The following KLHL29 variants were observed in gnomAD, a reference collection of about 807,000 sequenced individuals.
KLHL29 encodes kelch like family member 29.
Under a neutral mutation model 80.4 loss-of-function variants are expected in KLHL29, and 21 were observed. The observed-to-expected ratio is 0.26, with a 90% CI of 0.19 to 0.38. The LOEUF is 0.38. KLHL29 is among the 10% of genes least tolerant of loss of function. The pLI is 1.00. For synonymous variants in KLHL29, 511 were observed against 526.8 expected (o/e 0.97, Z 0.41); for missense variants, 867 against 1,223.9 (o/e 0.71, Z 4.35).
chr2:23,539,838 A>C (rs1666782272), intron 2 of KLHL29, among the ~76,000 whole-genome samples: 1 of 152,146 alleles, frequency 6.6e-6, no homozygotes, highest in Middle Eastern at 3.4e-3. Flanking sequence ...GCTTAGGTAT[A>C]CTTTTCTCTT....
At position 23,680,330 on chromosome 2, in the gene KLHL29, G is replaced by A. The variant is rs1003732007; in HGVS notation, c.941-4069G>A. The stretch of plus-strand genomic sequence containing the variant: ...TCCACGGGAAGAGGAGCTCCATGCT[G>A]GGCGCTGAGTCGAGCATCCTGGGCA... On this transcript the variant is annotated intron_variant, in intron 5 of 13. Transcript: ENST00000486442. The surrounding 1 kb of genome is among the most constrained non-coding windows in gnomAD (Gnocchi z 4.1). Among the ~76,000 whole-genome samples the A allele has an allele frequency of 2.0e-5, 3 of 152,118 alleles. No individual in the cohort carries two copies. The highest frequency in any genetic ancestry group is 7.2e-5 in the African/African-American group (3 of 41,416).
intron 2 of KLHL29, among the ~76,000 whole-genome samples, chr2:23,545,909 C>A (rs920902307): frequency 6.6e-6 from 1 of 152,226 alleles, no homozygotes; most frequent in Non-Finnish European, 1.5e-5. Context: ...CAAGGCCAGT[C>A]CTCTGCAGAC....
chr2:23,527,641 G>T (rs1352589793), intron 2 of KLHL29, among the ~76,000 whole-genome samples: 1 of 152,220 alleles, frequency 6.6e-6, no homozygotes, highest in Non-Finnish European at 1.5e-5. Context: ...AAAGCAGTAG[G>T]ATTGGTTCAG....
chr2:23,521,191 A>G (rs1422401601), intron 2 of KLHL29, among the ~76,000 whole-genome samples: 1 of 152,014 alleles, frequency 6.6e-6, no homozygotes, highest in Non-Finnish European at 1.5e-5. Context: ...GACTGCTTCG[A>G]GGGGCTTCCC....
intron 2 of KLHL29, among the ~76,000 whole-genome samples, chr2:23,492,451 G>A (rs1665130693): frequency 6.6e-6 from 1 of 152,164 alleles, no homozygotes. Context: ...GCAGTCACGT[G>A]GCCCACCCTC....
At chr2:23,483,103 T>A (rs1664844991) in intron 2 of KLHL29, among the ~76,000 whole-genome samples, 1 of 152,220 alleles carries the variant, frequency 6.6e-6, no homozygotes, top group Admixed American at 6.5e-5. Context: ...TTAGTGAGCA[T>A]CTACTATAAT....
At chr2:23,470,685 C>CCTA (rs1664472826) in intron 1 of KLHL29, among the ~76,000 whole-genome samples, 1 of 152,184 alleles carries the variant, frequency 6.6e-6, no homozygotes, top group Admixed American at 6.5e-5. Context: ...GAGCTGCATC[C>CCTA]CTACCAGCTG....
intron 2 of KLHL29, among the ~76,000 whole-genome samples, chr2:23,498,080 C>G (rs1057188281): frequency 1.3e-5 from 2 of 152,144 alleles, no homozygotes; most frequent in African/African-American, 4.8e-5. Flanking sequence ...CCTAGTTACC[C>G]TTTTCTGTGT....
intron 2 of KLHL29, among the ~76,000 whole-genome samples, chr2:23,483,530 G>A (rs1664853168): frequency 6.6e-6 from 1 of 152,190 alleles, no homozygotes; most frequent in Non-Finnish European, 1.5e-5. Context: ...TGGACTCCCT[G>A]ACCCCAAAAC....
chr2:23,530,298 G>A (rs967304052), intron 2 of KLHL29, among the ~76,000 whole-genome samples: 3 of 152,140 alleles, frequency 2.0e-5, no homozygotes, highest in East Asian at 1.9e-4. Context: ...GCCCTCCCAC[G>A]GCTTGTCCTC....
At chr2:23,436,280 TTGTGTGTGTGTGTGTGTGTGTGTGTG>T (rs57931176) in intron 1 of KLHL29, among the ~76,000 whole-genome samples, 2 of 136,946 alleles carry the variant, frequency 1.5e-5, no homozygotes, top group Non-Finnish European at 3.1e-5. Flanking sequence ...CCAATCAGCT[TTGTGTGTGTGTGTGTGTGTGTGTGTG>T]TGTGTGTGTG....
intron 3 of KLHL29, among the ~76,000 whole-genome samples, chr2:23,565,186 T>C (rs1667559848): frequency 6.6e-6 from 1 of 152,202 alleles, no homozygotes. Context: ...GTGAGGCCTA[T>C]GGGACAAGGC....
chr2:23,571,908 A>G (rs1245159625), intron 3 of KLHL29, among the ~76,000 whole-genome samples: 1 of 152,238 alleles, frequency 6.6e-6, no homozygotes, highest in Non-Finnish European at 1.5e-5. Flanking sequence ...CTCCCAAGCA[A>G]CAGCCGTGGG....
intron 2 of KLHL29, among the ~76,000 whole-genome samples, chr2:23,487,965 G>C (rs1056042645): frequency 3.9e-5 from 6 of 152,192 alleles, no homozygotes; most frequent in African/African-American, 7.2e-5. Context: ...ACAGTAACCA[G>C]CCCGAGGGGA....
chr2:23,559,517 G>A (rs547905272), intron 2 of KLHL29, among the ~76,000 whole-genome samples: 1 of 152,100 alleles, frequency 6.6e-6, no homozygotes, highest in Non-Finnish European at 1.5e-5. Flanking sequence ...GATGGAGAAG[G>A]GGGTAGATTT....
chr2:23,536,809 C>A (rs189590517), intron 2 of KLHL29, among the ~76,000 whole-genome samples: 59 of 151,896 alleles, frequency 3.9e-4, no homozygotes, highest in African/African-American at 1.4e-3. Context: ...AGGTACCATG[C>A]CTATAGTAAA....
At chr2:23,547,957 T>C (rs1667019837) in intron 2 of KLHL29, among the ~76,000 whole-genome samples, 1 of 152,188 alleles carries the variant, frequency 6.6e-6, no homozygotes, top group Admixed American at 6.5e-5. Flanking sequence ...GCTATGCCAC[T>C]GGGAAAAGAG....
At chr2:23,664,388 T>C (rs1398670079) in intron 5 of KLHL29, among the ~76,000 whole-genome samples, 12 of 152,254 alleles carry the variant, frequency 7.9e-5, no homozygotes, top group Non-Finnish European at 1.5e-4. Flanking sequence ...ATGTCAAACA[T>C]TGGGCTCTGG....
At chr2:23,603,114 A>C (rs1016322257) in intron 3 of KLHL29, among the ~76,000 whole-genome samples, 1 of 151,690 alleles carries the variant, frequency 6.6e-6, no homozygotes, top group South Asian at 2.1e-4. Flanking sequence ...CAGGGAAGTG[A>C]CCCCCCACCC....
Sources: allele counts gnomAD v4.1 joint callset (sites outside exome capture counted in the v4.1 genomes callset), GRCh38; gene constraint gnomAD v4.1.1; non-coding constraint Gnocchi (gnomAD v3.1); transcripts MANE v1.5; gene names NCBI Gene and HGNC (gene_info 2026-07-23, HGNC 2026-07-21).